CDH12: variants seen among roughly 807,000 people sequenced by gnomAD.
The protein encoded by CDH12 is cadherin-12.
CDH12 carries 41 observed loss-of-function variants against 74.1 expected under a neutral mutation model. That is an observed-to-expected ratio of 0.55 (90% CI 0.43 to 0.72). CDH12 has a LOEUF of 0.72. CDH12 is among the 30% of genes least tolerant of loss of function. CDH12 has a pLI of 0.00. For missense variants in CDH12, 945 were observed against 977.2 expected, an observed-to-expected ratio of 0.97 and a Z score of 0.44; for synonymous variants, 399 against 355.0, an observed-to-expected ratio of 1.12 and a Z score of -1.39.
chr5:22,043,680 G>A (rs1360521790), intron 5 of CDH12, among the ~76,000 whole-genome samples: 8 of 150,770 alleles, frequency 5.3e-5, no homozygotes, highest in African/African-American at 2.0e-4. Flanking sequence ...ATGATCTTAT[G>A]TATAGAAAAT....
chr5:21,881,821 A>T (rs1456251632), intron 6 of CDH12, among the ~76,000 whole-genome samples: 2 of 152,324 alleles, frequency 1.3e-5, no homozygotes, highest in East Asian at 3.9e-4. Flanking sequence ...AAGATCAGAT[A>T]TGCATAATAT....
intron 1 of CDH12, among the ~76,000 whole-genome samples, chr5:22,802,643 T>C (rs1748593522): frequency 6.6e-6 from 1 of 152,042 alleles, no homozygotes. Context: ...TTTCAGAGTG[T>C]CTTTTTTAAT....
intron 5 of CDH12, among the ~76,000 whole-genome samples, chr5:21,984,832 T>C (rs559511385): frequency 2.0e-5 from 3 of 152,324 alleles, no homozygotes; most frequent in Non-Finnish European, 4.4e-5. Flanking sequence ...CATTTTGTTG[T>C]ATTTGCTTTA....
At chr5:22,161,549 A>AATG (rs1204405068) in intron 4 of CDH12, among the ~76,000 whole-genome samples, 1 of 152,024 alleles carries the variant, frequency 6.6e-6, no homozygotes, top group Non-Finnish European at 1.5e-5. Flanking sequence ...TAATAATAAT[A>AATG]ATAATAAATT....
chr5:22,258,962 A>G (rs1320284656), intron 3 of CDH12, among the ~76,000 whole-genome samples: 1 of 152,166 alleles, frequency 6.6e-6, no homozygotes, highest in East Asian at 1.9e-4. Context: ...CATCATTTCT[A>G]TTATTACAGA....
chr5:22,606,447 A>T (rs766894800), intron 1 of CDH12, among the ~76,000 whole-genome samples: 1 of 152,148 alleles, frequency 6.6e-6, no homozygotes, highest in Non-Finnish European at 1.5e-5. Flanking sequence ...CCTAGTGGAG[A>T]TAATTGAATC....
intron 1 of CDH12, among the ~76,000 whole-genome samples, chr5:22,556,038 TTTA>T (rs1221356311): frequency 6.6e-6 from 1 of 151,070 alleles, no homozygotes; most frequent in African/African-American, 2.4e-5. Flanking sequence ...GCTACATTCC[TTTA>T]TTATCTCTGA....
intron 1 of CDH12, among the ~76,000 whole-genome samples, chr5:22,560,202 T>C (rs1311181709): frequency 1.3e-5 from 2 of 152,178 alleles, no homozygotes; most frequent in African/African-American, 4.8e-5. Flanking sequence ...AGTCCAAAAA[T>C]ATTAATTGGG....
intron 8 of CDH12, among the ~76,000 whole-genome samples, chr5:21,824,929 C>T (rs1008045827): frequency 3.9e-5 from 6 of 151,980 alleles, no homozygotes; most frequent in Non-Finnish European, 7.4e-5. Flanking sequence ...CAAGAGGGGC[C>T]GATCACCTGA....
At chr5:22,059,339 CTATCTATCTATCTATCT>C (rs1561067540) in intron 5 of CDH12, among the ~76,000 whole-genome samples, 7 of 42,880 alleles carry the variant, frequency 1.6e-4, no homozygotes, top group Non-Finnish European at 3.3e-4. Context: ...TATCTATCAT[CTATCTATCTATCTATCT>C]ATCTATCTAT....
chr5:21,755,250 T>C (rs1744317773), intron 14 of CDH12, among the ~76,000 whole-genome samples: 1 of 152,146 alleles, frequency 6.6e-6, no homozygotes, highest in Non-Finnish European at 1.5e-5. Context: ...AATTGAGAAG[T>C]TGTTGTAAAT....
intron 4 of CDH12, among the ~76,000 whole-genome samples, chr5:22,150,231 C>T (rs1747477472): frequency 6.6e-6 from 1 of 151,792 alleles, no homozygotes. Flanking sequence ...TCCTTGTCTG[C>T]TAACACTTTT....
At chr5:22,416,367 G>A (rs13361964) in intron 2 of CDH12, among the ~76,000 whole-genome samples, 41,240 of 151,806 alleles carry the variant, frequency 0.27, 5,664 homozygotes, top group East Asian at 0.34. Flanking sequence ...GAGCCACCGC[G>A]CCCGGCCTGT....
chr5:22,406,325 C>T (rs1742938490), intron 2 of CDH12, among the ~76,000 whole-genome samples: 1 of 152,118 alleles, frequency 6.6e-6, no homozygotes, highest in Non-Finnish European at 1.5e-5. Flanking sequence ...TCACTCAATA[C>T]TAGGTATCGT....
chr5:22,342,234 C>A (rs927525183), intron 3 of CDH12, among the ~76,000 whole-genome samples: 10 of 152,162 alleles, frequency 6.6e-5, no homozygotes, highest in Admixed American at 6.5e-4. Flanking sequence ...GGTTTCAACA[C>A]ATAAACTTGA....
chr5:22,257,256 G>T (rs1753350650), intron 3 of CDH12, among the ~76,000 whole-genome samples: 1 of 151,836 alleles, frequency 6.6e-6, no homozygotes, highest in South Asian at 2.1e-4. Flanking sequence ...AACATAATCT[G>T]CACAACAAAC....
Position 21,842,195 on chromosome 5 carries a change from G to C in CDH12, c.780C>G (p.Thr260=), listed in dbSNP as rs76592602. Residue 260 remains threonine, a synonymous_variant, in exon 8 of 15, where the codon ACC becomes ACG. Transcript: ENST00000382254. ...ATCGAGGTGGATTGTCATTGACATC[G>C]GTGAGAGTGATGTTGACTATTGTTG... ...AGTTIVNITL[T]DVNDNPPRFP... 2 of 1,612,816 alleles carry C rather than the reference G, an allele frequency of 1.2e-6. No homozygotes were observed. Among genetic ancestry groups the C allele is most frequent in the Non-Finnish European group, 1.7e-6 (2 of 1,179,398 alleles).
chr5:22,022,964 C>T (rs1381251173), intron 5 of CDH12, among the ~76,000 whole-genome samples: 1 of 152,162 alleles, frequency 6.6e-6, no homozygotes, highest in Non-Finnish European at 1.5e-5. Context: ...TTCATTATCA[C>T]CAATCTTCCA....
At chr5:22,500,799 A>G (rs1747299124) in intron 2 of CDH12, among the ~76,000 whole-genome samples, 1 of 152,142 alleles carries the variant, frequency 6.6e-6, no homozygotes, top group Admixed American at 6.6e-5. Context: ...TCCCCAGAGC[A>G]TCTACAACTG....
Sources: gnomAD v4.1 joint callset for allele counts (sites outside exome capture counted in the v4.1 genomes callset) on GRCh38, gnomAD v4.1.1 for gene constraint, MANE v1.5 for transcripts, NCBI Gene and HGNC (gene_info 2026-07-23, HGNC 2026-07-21) for gene names.